The following CHST6 variants were observed in gnomAD, a reference collection of about 807,000 sequenced individuals.
CHST6 encodes N-acetylglucosamine 6-O-sulfotransferase 5.
For synonymous variants in CHST6, 309 were observed against 276.4 expected (o/e 1.12, Z -1.17); for missense variants, 698 against 586.2 (o/e 1.19, Z -1.97).
chr16:75,480,931 A>AG (rs751872393), intron 2 of CHST6, among the ~76,000 whole-genome samples: 1 of 122,166 alleles, frequency 8.2e-6, no homozygotes, highest in Admixed American at 9.0e-5. Flanking sequence ...TCATTCCAAA[A>AG]AAAAAAAAAA....
rs1451024180 is a variant in CHST6, at chr16:75,477,496, CTG to C, written c.*1143_*1144del. 3 of 152,228 alleles carry C rather than the reference CTG, an allele frequency of 2.0e-5. No homozygotes were observed. Among genetic ancestry groups the C allele is most frequent in the African/African-American group, 7.2e-5 (3 of 41,436 alleles). 9.4% of individuals were successfully genotyped at this position (152,228 alleles called of 1,614,324 possible). ...AGCCAACACAGTTCCCAGACCAGCT[CTG>C]TGTTCCAATGTGACTTGGGTTCATT... On this transcript the variant is annotated 3_prime_UTR_variant, in exon 3 of 3. Coordinates refer to ENST00000332272, the MANE Select transcript of CHST6 (RefSeq NM_021615.5).
At position 75,479,535 on chromosome 16, in the gene CHST6, G is replaced by A. The variant is rs118144424; in HGVS notation, c.294C>T (p.Ser98=). 3.7e-6 allele frequency: 6 copies of A among 1,612,990 alleles called. No individual in the cohort carries two copies. The highest frequency in any genetic ancestry group is 1.1e-5 in the South Asian group (1 of 91,084). ...LHMAVRDLVR[S]VFLCDMDVFD... is the part of the protein sequence containing the mutation. ...ACACGTCCATGTCGCACAGGAAGAC[G>A]GAGCGCACCAGGTCGCGCACAGCCA... The change falls in exon 3 of 3, where the codon TCC becomes TCT. Residue 98 remains serine (S), a synonymous_variant. Coordinates refer to ENST00000332272, the MANE Select transcript of CHST6 (RefSeq NM_021615.5).
At position 75,478,794 on chromosome 16, in the gene CHST6, C is replaced by T. The variant is rs1248288707; in HGVS notation, c.1035G>A (p.Val345=). 3.7e-6 allele frequency: 6 copies of T among 1,613,376 alleles called. No homozygotes were observed. The African/African-American group carries it at 6.7e-5, about 18-fold the overall frequency. Residue 345 remains valine (V), a synonymous_variant, in exon 3 of 3, where the codon GTG becomes GTA. Transcript: ENST00000332272. The part of the protein sequence containing the change: ...HALPFAKIRR[V]QELCAGALQL... ...GCAGCGCACCAGCGCACAGTTCCTG[C>T]ACGCGGCGGATCTTGGCAAAGGGCA...
intron 1 of CHST6, among the ~76,000 whole-genome samples, chr16:75,490,370 C>T (rs926351235): frequency 4.0e-5 from 6 of 151,744 alleles, no homozygotes; most frequent in Non-Finnish European, 7.4e-5. Context: ...CCCAGCTACT[C>T]GGGAGGCTGA....
chr16:75,479,016 C>T lies in CHST6; in HGVS notation c.813G>A (p.Val271=), dbSNP rs2080102032. The T allele has an allele frequency of 6.2e-7, 1 of 1,611,318 alleles. No individual in the cohort carries two copies. The highest frequency in any genetic ancestry group is 8.5e-7 in the Non-Finnish European group (1 of 1,179,916). The change falls in exon 3 of 3, where the codon GTG becomes GTA. Residue 271 remains valine (V), a synonymous_variant. Transcript: ENST00000332272. ...PPFLRGRYRL[V]RFEDLAREPL... Reference sequence around the variant, plus strand: ...GCTCCCGCGCCAGGTCCTCGAAGCGCACCAGGCGGTAGCGGCCGCGCAGAA... The same window carrying T: ...GCTCCCGCGCCAGGTCCTCGAAGCGTACCAGGCGGTAGCGGCCGCGCAGAA...
chr16:75,480,790 G>A (rs780689648), intron 2 of CHST6, among the ~76,000 whole-genome samples: 36 of 151,724 alleles, frequency 2.4e-4, no homozygotes, highest in Non-Finnish European at 4.3e-4. Context: ...TTAGCCGGGC[G>A]TGGTAGCGGG....
chr16:75,491,174 AAAAAAAAAAAAAAAAAATAT>A (rs2080248708), intron 1 of CHST6, among the ~76,000 whole-genome samples: 2 of 72,352 alleles, frequency 2.8e-5, no homozygotes, highest in Non-Finnish European at 4.8e-5. Flanking sequence ...TTAAAAAAAA[AAAAAAAAAAAAAAAAAATAT>A]ATATATATAT....
chr16:75,479,501 A>G lies in CHST6; in HGVS notation c.328T>C (p.Tyr110His). The change falls in exon 3 of 3, where the codon TAT becomes CAT. Residue 110 changes from tyrosine (Y) to histidine (H), a missense_variant. Tyr to His is a moderately conservative substitution (Grantham distance 83). Transcript: ENST00000332272. Reference sequence around the variant, plus strand: ...GACAGGTTGCGGCGCCAAGGCAGATAGGCATCAAACACGTCCATGTCGCAC... The same window carrying G: ...GACAGGTTGCGGCGCCAAGGCAGATGGGCATCAAACACGTCCATGTCGCAC... ...FLCDMDVFDAYLPWRRNLSDL... is the reference protein window; with the variant it reads ...FLCDMDVFDAHLPWRRNLSDL... The G allele has an allele frequency of 6.2e-7, 1 of 1,612,866 alleles. No homozygotes were observed. The highest frequency in any genetic ancestry group is 8.5e-7 in the Non-Finnish European group (1 of 1,179,840).
intron 1 of CHST6, among the ~76,000 whole-genome samples, chr16:75,491,190 A>AAAAAAATATATATATATATAT (rs1206595857): frequency 4.0e-5 from 2 of 50,074 alleles, no homozygotes; most frequent in Non-Finnish European, 6.0e-5. Flanking sequence ...AAAAAAAAAA[A>AAAAAAATATATATATATATAT]ATATATATAT....
chr16:75,484,897 G>A (rs1205336724), intron 1 of CHST6, among the ~76,000 whole-genome samples: 1 of 152,122 alleles, frequency 6.6e-6, no homozygotes, highest in Non-Finnish European at 1.5e-5. Flanking sequence ...GGCATTGCCA[G>A]CTCATGTTTC....
rs2080028661 is a variant in CHST6, at chr16:75,472,235, CTT to C, written c.*6404_*6405del. On this transcript the variant is annotated 3_prime_UTR_variant, in exon 3 of 3. Transcript: ENST00000332272. ...AGGTATATACAAATGTTTAATCAAA[CTT>C]TACACTTTATGTGCAGATGTTGTAT... 2 of 152,168 alleles carry C rather than the reference CTT, an allele frequency of 1.3e-5. No homozygotes were observed. Among genetic ancestry groups the C allele is most frequent in the African/African-American group, 4.8e-5 (2 of 41,444 alleles). 9.4% of individuals were successfully genotyped at this position (152,168 alleles called of 1,614,324 possible). A position where few individuals can be genotyped will look rare whatever the true frequency, so the allele number is the denominator to read the frequency against.
rs34865910 is a variant in CHST6, at chr16:75,484,448, C to T, written c.-91-2557G>A. On this transcript the variant is annotated intron_variant, in intron 1 of 2. Transcript: ENST00000332272. ...CGCAGTCCTGAGCCTTTGTCCAGTG[C>T]CCTTTCCCATCCTGGAAGGCCTATC... 3.6e-3 allele frequency among the ~76,000 whole-genome samples: 551 copies of T among 152,348 alleles called. 1 individual carries two copies. The highest frequency in any genetic ancestry group is 6.8e-3 in the Middle Eastern group (2 of 294).
At chr16:75,486,612 T>C (rs2080201409) in intron 1 of CHST6, among the ~76,000 whole-genome samples, 1 of 152,222 alleles carries the variant, frequency 6.6e-6, no homozygotes, top group South Asian at 2.1e-4. Context: ...AAGAGGAAAC[T>C]GCCTAGGTTT....
At chr16:75,486,937 A>T (rs558554540) in intron 1 of CHST6, among the ~76,000 whole-genome samples, 2 of 152,338 alleles carry the variant, frequency 1.3e-5, no homozygotes, top group African/African-American at 4.8e-5. Flanking sequence ...GTGAAAGTTC[A>T]CCAAGCTGTA....
intron 1 of CHST6, among the ~76,000 whole-genome samples, chr16:75,486,402 C>T (rs1484491104): frequency 6.6e-6 from 1 of 152,226 alleles, no homozygotes; most frequent in Non-Finnish European, 1.5e-5. Context: ...CCTGGGGAAT[C>T]ACCCTCACCC....
intron 2 of CHST6, among the ~76,000 whole-genome samples, chr16:75,480,606 T>C (rs1355914219): frequency 6.6e-6 from 1 of 151,970 alleles, no homozygotes; most frequent in Non-Finnish European, 1.5e-5. Flanking sequence ...ATAACTTTTC[T>C]TATGGAAAAT....
chr16:75,484,105 A>C (rs1424569069), intron 1 of CHST6, among the ~76,000 whole-genome samples: 2 of 152,194 alleles, frequency 1.3e-5, no homozygotes, highest in Non-Finnish European at 2.9e-5. Flanking sequence ...CGGGAGGCTG[A>C]GGCGGGTGGA....
chr16:75,491,190 A>AAAATATATATATATAT (rs1206595857), intron 1 of CHST6, among the ~76,000 whole-genome samples: 2 of 50,082 alleles, frequency 4.0e-5, no homozygotes, highest in Non-Finnish European at 6.0e-5. Flanking sequence ...AAAAAAAAAA[A>AAAATATATATATATAT]ATATATATAT....
intron 1 of CHST6, among the ~76,000 whole-genome samples, chr16:75,493,576 G>A (rs558539740): frequency 6.6e-6 from 1 of 151,838 alleles, no homozygotes; most frequent in East Asian, 1.9e-4. Context: ...TCATGGGCTT[G>A]ATTGAAAGAG....
Sources: allele counts gnomAD v4.1 joint callset (sites outside exome capture counted in the v4.1 genomes callset), GRCh38; gene constraint gnomAD v4.1.1; transcripts MANE v1.5; gene names NCBI Gene and HGNC (gene_info 2026-07-23, HGNC 2026-07-21).